The following SHANK2 variants were observed in gnomAD, a reference collection of about 807,000 sequenced individuals.
SHANK2 encodes SH3 and multiple ankyrin repeat domains protein 2.
Under a neutral mutation model 133.7 loss-of-function variants are expected in SHANK2, and 43 were observed. The observed-to-expected ratio is 0.32, with a 90% CI of 0.25 to 0.41. The LOEUF (loss-of-function observed/expected upper bound fraction) is 0.41. Ranked by LOEUF, SHANK2 falls within the 10% of genes least tolerant of loss-of-function variation. SHANK2 has a pLI of 1.00. For synonymous variants in SHANK2, 1,017 were observed against 952.8 expected (o/e 1.07, Z -1.24); for missense variants, 1,994 against 2,235.8 (o/e 0.89, Z 2.18).
intron 17 of SHANK2, among the ~76,000 whole-genome samples, chr11:70,595,121 G>A (rs760792549): frequency 6.6e-5 from 10 of 152,114 alleles, no homozygotes; most frequent in Non-Finnish European, 1.3e-4. Context: ...ACCTGCCAAT[G>A]GGCCCAAGGC....
At chr11:71,217,602 T>C (rs1049017175) in intron 2 of SHANK2, among the ~76,000 whole-genome samples, 7 of 152,190 alleles carry the variant, frequency 4.6e-5, no homozygotes, top group Non-Finnish European at 8.8e-5. Flanking sequence ...TCCACGCATG[T>C]TACTGCCCCT....
intron 14 of SHANK2, among the ~76,000 whole-genome samples, chr11:70,713,780 T>C (rs1309105758): frequency 6.6e-6 from 1 of 152,206 alleles, no homozygotes; most frequent in Non-Finnish European, 1.5e-5. Context: ...CCTTGCCGTG[T>C]GCCACACACA....
In SHANK2 at chr11:71,236,977, G is replaced by A. The variant is rs1436333255; in HGVS notation, c.-112-12181C>T. Among the ~76,000 whole-genome samples the A allele has an allele frequency of 3.3e-5, 5 of 152,194 alleles. No individual in the cohort carries two copies. The South Asian group carries it at 8.3e-4, about 25-fold the overall frequency. On this transcript the variant is annotated intron_variant, in intron 1 of 25. Transcript: ENST00000601538. Reference sequence around the variant, plus strand: ...CTTGGCGCAGGTGGGACTGCGCTGCGGGCCTGGGAGGCTGTCACAGTAATG... The same window carrying A: ...CTTGGCGCAGGTGGGACTGCGCTGCAGGCCTGGGAGGCTGTCACAGTAATG...
intron 17 of SHANK2, among the ~76,000 whole-genome samples, chr11:70,633,274 A>T (rs1246237908): frequency 1.3e-5 from 2 of 148,752 alleles, no homozygotes; most frequent in African/African-American, 4.9e-5. Context: ...AAGTATATTT[A>T]TATATATATA....
chr11:70,497,078 G>A (rs1430424208), intron 21 of SHANK2: 14 of 453,516 alleles, frequency 3.1e-5, no homozygotes, highest in Middle Eastern at 3.3e-4. Flanking sequence ...AGGGTCAGGG[G>A]CTAGCATTCG....
At chr11:71,224,110 A>C (rs1170822247) in intron 2 of SHANK2, among the ~76,000 whole-genome samples, 2 of 152,228 alleles carry the variant, frequency 1.3e-5, no homozygotes, top group African/African-American at 4.8e-5. Context: ...TCCTCACTGA[A>C]AATGGTGGTA....
rs1376626335 is a variant in SHANK2 at position 70,820,558 on chromosome 11, C to G, written c.1299G>C (p.Trp433Cys). ...GCGAGGTGGCCGTGGAGCAGACGGCCCAGTCGGGAGCGCTGGCATTGAGGT... is the reference window on the plus strand; with the variant it reads ...GCGAGGTGGCCGTGGAGCAGACGGCGCAGTCGGGAGCGCTGGCATTGAGGT... ...DNNLNASAPDWAVCSTATSHR... is the reference protein window; with the variant it reads ...DNNLNASAPDCAVCSTATSHR... The change falls in exon 12 of 26, where the codon TGG becomes TGC. Residue 433 changes from tryptophan to cysteine, a missense_variant. Trp to Cys is a radical substitution (Grantham distance 215, BLOSUM62 -2). Transcript: ENST00000601538. 1.4e-6 allele frequency: 1 copy of G among 716,990 alleles called. No individual in the cohort carries two copies. The highest frequency in any genetic ancestry group is 2.6e-6 in the Non-Finnish European group (1 of 384,736). 44.4% of individuals were successfully genotyped at this position (716,990 alleles called of 1,614,324 possible).
chr11:70,919,051 C>CCA (rs1555080334), intron 10 of SHANK2, among the ~76,000 whole-genome samples: 1 of 152,046 alleles, frequency 6.6e-6, no homozygotes, highest in African/African-American at 2.4e-5. Flanking sequence ...GTGGTCCAAG[C>CCA]CACTCAGGAG....
intron 14 of SHANK2, among the ~76,000 whole-genome samples, chr11:70,790,312 A>G (rs1272671569): frequency 1.3e-5 from 2 of 152,158 alleles, no homozygotes; most frequent in African/African-American, 4.8e-5. Context: ...CACCCAGGGC[A>G]CTGTCTCTCC....
chr11:71,113,279 C>T lies in SHANK2; in HGVS notation c.483+14G>A, dbSNP rs75938961. ...CCTGCCTAACGTGTAAATAACAGCCCGTTCCCTGCATACCTTCGTGTGGAG... is the reference window on the plus strand; with the variant it reads ...CCTGCCTAACGTGTAAATAACAGCCTGTTCCCTGCATACCTTCGTGTGGAG... On this transcript the variant is annotated intron_variant, in intron 5 of 25. Coordinates refer to ENST00000601538, the MANE Select transcript of SHANK2 (RefSeq NM_012309.5). 5,960 of 1,551,066 alleles carry T rather than the reference C, an allele frequency of 3.8e-3. 197 individuals carry two copies. In the African/African-American group the frequency reaches 0.072, roughly 19 times the overall value.
intron 17 of SHANK2, among the ~76,000 whole-genome samples, chr11:70,529,846 C>T (rs1437389020): frequency 2.6e-5 from 4 of 152,196 alleles, no homozygotes; most frequent in Admixed American, 6.5e-5. Context: ...GGGTTCACAA[C>T]GTTGGACCAG....
At chr11:70,802,013 C>A (rs782379690) in intron 13 of SHANK2, among the ~76,000 whole-genome samples, 1 of 152,054 alleles carries the variant, frequency 6.6e-6, no homozygotes, top group Non-Finnish European at 1.5e-5. Context: ...AGAGGGGGTG[C>A]GGCGAGACTT....
chr11:70,478,825 G>A (rs1382370292), intron 25 of SHANK2, among the ~76,000 whole-genome samples: 1 of 152,222 alleles, frequency 6.6e-6, no homozygotes, highest in Non-Finnish European at 1.5e-5. Context: ...AGATCAGAAA[G>A]TTAAGTGACT....
chr11:70,718,888 C>T (rs1482569185), intron 14 of SHANK2, among the ~76,000 whole-genome samples: 1 of 152,120 alleles, frequency 6.6e-6, no homozygotes, highest in African/African-American at 2.4e-5. Context: ...GGACTGAATC[C>T]CACTTTGCCG....
At chr11:70,613,953 C>T (rs1405408875) in intron 17 of SHANK2, among the ~76,000 whole-genome samples, 2 of 152,000 alleles carry the variant, frequency 1.3e-5, no homozygotes, top group African/African-American at 4.8e-5. Context: ...TTAGTAGAGA[C>T]AGGGTCTTAC....
At chr11:70,581,686 GTCAATCAA>G (rs200049317) in intron 17 of SHANK2, among the ~76,000 whole-genome samples, 113 of 152,116 alleles carry the variant, frequency 7.4e-4, no homozygotes, top group African/African-American at 2.6e-3. Flanking sequence ...GCGAGACTCT[GTCAATCAA>G]TCAATCAATC....
intron 11 of SHANK2, among the ~76,000 whole-genome samples, chr11:70,837,528 T>C (rs1483710789): frequency 6.6e-6 from 1 of 152,256 alleles, no homozygotes; most frequent in Non-Finnish European, 1.5e-5. Context: ...CTTGTGACTT[T>C]TTCCTTCATT....
intron 21 of SHANK2, among the ~76,000 whole-genome samples, chr11:70,492,787 G>GTTTTTTTTTTT (rs34452642): frequency 4.2e-5 from 3 of 70,594 alleles, no homozygotes; most frequent in South Asian, 6.8e-4. Flanking sequence ...ACATTTCTGT[G>GTTTTTTTTTTT]TTTTTTTTTT....
intron 15 of SHANK2, among the ~76,000 whole-genome samples, chr11:70,666,397 T>A (rs1555014816): frequency 2.0e-5 from 3 of 148,244 alleles, no homozygotes; most frequent in Admixed American, 1.4e-4. Flanking sequence ...GACAGGGGGG[T>A]CTCACACGCA....
Sources: gnomAD v4.1 joint callset for allele counts (sites outside exome capture counted in the v4.1 genomes callset) on GRCh38, gnomAD v4.1.1 for gene constraint, MANE v1.5 for transcripts, NCBI Gene and HGNC (gene_info 2026-07-23, HGNC 2026-07-21) for gene names.